ZPBP: variants seen among roughly 807,000 people sequenced by gnomAD.
The protein encoded by ZPBP is zona pellucida-binding protein 1.
A neutral mutation model predicts 44.8 loss-of-function variants in ZPBP; 26 were observed. The ratio of observed to expected loss-of-function variants is 0.58; its 90% CI spans 0.43 to 0.81. The LOEUF (loss-of-function observed/expected upper bound fraction) is 0.81, where lower values mean the gene tolerates loss of function less well. Among genes scored for constraint, ZPBP ranks in the 30% least tolerant of loss-of-function variants. The probability of loss-of-function intolerance (pLI) is 0.00; values close to 1 mark genes in which losing one functional copy is unlikely to be tolerated. For missense variants in ZPBP, 409 were observed against 434.0 expected (o/e 0.94, Z 0.51); for synonymous variants, 174 against 153.2 (o/e 1.14, Z -1.00).
At chr7:49,857,900 A>C (rs2128719051) in intron 2 of ZPBP, among the ~76,000 whole-genome samples, 1 of 152,276 alleles carries the variant, frequency 6.6e-6, no homozygotes, top group African/African-American at 2.4e-5. Flanking sequence ...ATCTGAGCTA[A>C]GTTTGGTGTT....
intron 5 of ZPBP, among the ~76,000 whole-genome samples, chr7:50,023,495 C>G (rs115388590): frequency 3.5e-3 from 532 of 151,954 alleles, no homozygotes; most frequent in African/African-American, 0.012. Flanking sequence ...AAACAAAGCC[C>G]AAATCCCAGA....
intron 3 of ZPBP, among the ~76,000 whole-genome samples, chr7:50,070,309 C>T (rs548848117): frequency 6.6e-6 from 1 of 152,328 alleles, no homozygotes; most frequent in South Asian, 2.1e-4. Context: ...TGGAGGTGAT[C>T]AAACTCCCCT....
At chr7:50,040,518 G>C (rs1800026779) in intron 4 of ZPBP, among the ~76,000 whole-genome samples, 1 of 152,196 alleles carries the variant, frequency 6.6e-6, no homozygotes, top group African/African-American at 2.4e-5. Context: ...CAGTGGGCGA[G>C]CTGAAGCAGG....
chr7:49,851,132 C>T (rs1446387584), intron 2 of ZPBP, among the ~76,000 whole-genome samples: 3 of 152,194 alleles, frequency 2.0e-5, no homozygotes, highest in Admixed American at 6.5e-5. Flanking sequence ...GCCCGCCACC[C>T]TGGGCTTCCT....
chr7:49,868,763 G>A (rs529368833), intron 2 of ZPBP, among the ~76,000 whole-genome samples: 20 of 152,192 alleles, frequency 1.3e-4, no homozygotes, highest in African/African-American at 3.4e-4. Context: ...GATTACAGGC[G>A]TGTGCCACCA....
chr7:50,020,061 A>AG (rs1799015824), intron 5 of ZPBP, among the ~76,000 whole-genome samples: 1 of 151,582 alleles, frequency 6.6e-6, no homozygotes, highest in Non-Finnish European at 1.5e-5. Flanking sequence ...AAAAAAAAAA[A>AG]GAAAGAAAAG....
At position 49,853,172 on chromosome 7, in the gene ZPBP, G is replaced by A. The variant is rs10272436; in HGVS notation, n.510-2658C>T. 4.5e-3 allele frequency among the ~76,000 whole-genome samples: 683 copies of A among 152,360 alleles called. 4 individuals carry two copies. Among genetic ancestry groups the A allele is most frequent in the African/African-American group, 0.016 (647 of 41,586 alleles). ...CAGTCACTGGGGTGGACTTGGTTTT[G>A]TTCTGGATCCCAGTTTGAAGGTGAG... On this transcript the variant is annotated intron_variant and non_coding_transcript_variant, in intron 2 of 2. Transcript: ENST00000465922.
chr7:50,032,077 C>T (rs1431806221), intron 4 of ZPBP, among the ~76,000 whole-genome samples: 1 of 152,114 alleles, frequency 6.6e-6, no homozygotes, highest in Non-Finnish European at 1.5e-5. Context: ...TACTTTCTTA[C>T]CTACACATTT....
intron 7 of ZPBP, among the ~76,000 whole-genome samples, chr7:49,962,325 A>G (rs565410080): frequency 2.4e-4 from 37 of 152,048 alleles, no homozygotes; most frequent in Admixed American, 2.3e-3. Flanking sequence ...AGGGGAGTTT[A>G]TGTAAGGTTG....
At chr7:49,944,663 G>A (rs977402303) in intron 7 of ZPBP, among the ~76,000 whole-genome samples, 3 of 152,036 alleles carry the variant, frequency 2.0e-5, no homozygotes, top group African/African-American at 7.2e-5. Context: ...GCATATAGTT[G>A]CTCCTAGAAG....
chr7:49,860,693 G>T (rs1380158509), intron 2 of ZPBP, among the ~76,000 whole-genome samples: 1 of 152,290 alleles, frequency 6.6e-6, no homozygotes. Context: ...TTATATGTTG[G>T]AGCCCTAACT....
chr7:49,882,056 C>G (rs933016651), intron 2 of ZPBP, among the ~76,000 whole-genome samples: 4 of 151,698 alleles, frequency 2.6e-5, no homozygotes, highest in African/African-American at 9.7e-5. Context: ...AACAGTTGCT[C>G]ATAAATTTTT....
chr7:49,876,208 C>T (rs1461412014), intron 2 of ZPBP, among the ~76,000 whole-genome samples: 2 of 152,106 alleles, frequency 1.3e-5, no homozygotes, highest in Non-Finnish European at 2.9e-5. Context: ...GGGTAAATCA[C>T]GTCCAGATAG....
At chr7:49,967,286 T>C (rs1457003350) in intron 7 of ZPBP, among the ~76,000 whole-genome samples, 1 of 152,204 alleles carries the variant, frequency 6.6e-6, no homozygotes, top group Non-Finnish European at 1.5e-5. Context: ...TTCTTCTAAT[T>C]TCTTCCTTTT....
chr7:50,067,430 T>C (rs946288640), intron 3 of ZPBP, among the ~76,000 whole-genome samples: 2 of 152,204 alleles, frequency 1.3e-5, no homozygotes, highest in Non-Finnish European at 2.9e-5. Flanking sequence ...TCCTTTGGTC[T>C]TTTGCTAGCC....
chr7:50,055,115 G>C (rs1179788170), intron 4 of ZPBP, among the ~76,000 whole-genome samples: 1 of 152,118 alleles, frequency 6.6e-6, no homozygotes, highest in African/African-American at 2.4e-5. Context: ...CTTTCTGAAA[G>C]ACTAACAACT....
intron 3 of ZPBP, among the ~76,000 whole-genome samples, chr7:50,073,294 A>G (rs1197833380): frequency 1.3e-5 from 2 of 152,104 alleles, no homozygotes; most frequent in Non-Finnish European, 2.9e-5. Flanking sequence ...TAACAGCAGA[A>G]TGAATCAAGC....
intron 6 of ZPBP, among the ~76,000 whole-genome samples, chr7:49,989,353 G>C (rs1797459552): frequency 6.6e-6 from 1 of 152,156 alleles, no homozygotes; most frequent in Non-Finnish European, 1.5e-5. Context: ...AGAGGAGTTT[G>C]CCCAACTCAC....
intron 7 of ZPBP, among the ~76,000 whole-genome samples, chr7:49,938,086 C>T (rs995775494): frequency 2.6e-5 from 4 of 152,166 alleles, no homozygotes; most frequent in African/African-American, 9.7e-5. Flanking sequence ...TGGTTCCTAA[C>T]AGGACATAGA....
Sources: gnomAD v4.1 joint callset for allele counts (sites outside exome capture counted in the v4.1 genomes callset) on GRCh38, gnomAD v4.1.1 for gene constraint, MANE v1.5 for transcripts, NCBI Gene and HGNC (gene_info 2026-07-23, HGNC 2026-07-21) for gene names.